The following PPM1E variants were observed in gnomAD, a reference collection of about 807,000 sequenced individuals.
The protein encoded by PPM1E is protein phosphatase, Mg2+/Mn2+ dependent 1E.
A neutral mutation model predicts 65.9 loss-of-function variants in PPM1E; 20 were observed. That is an observed-to-expected ratio of 0.30 (90% CI 0.21 to 0.44). The LOEUF is 0.44. PPM1E is among the 20% of genes least tolerant of loss of function. PPM1E has a pLI of 1.00. For synonymous variants in PPM1E, 352 were observed against 374.9 expected (o/e 0.94, Z 0.70); for missense variants, 713 against 953.1 (o/e 0.75, Z 3.32).
At chr17:58,810,228 A>T (rs982409550) in intron 1 of PPM1E, among the ~76,000 whole-genome samples, 1 of 151,832 alleles carries the variant, frequency 6.6e-6, no homozygotes, top group Non-Finnish European at 1.5e-5. Context: ...TTTTTTTCTG[A>T]GACGGAGTCT....
At chr17:58,933,837 C>T (rs1003179357) in intron 1 of PPM1E, among the ~76,000 whole-genome samples, 1 of 150,542 alleles carries the variant, frequency 6.6e-6, no homozygotes, top group African/African-American at 2.4e-5. Flanking sequence ...TGGCTCACGC[C>T]TGTAATCCCA....
chr17:58,811,337 GA>G (rs541014272), intron 1 of PPM1E, among the ~76,000 whole-genome samples: 2 of 152,150 alleles, frequency 1.3e-5, no homozygotes, highest in African/African-American at 4.8e-5. Flanking sequence ...ATTCATTAGG[GA>G]AAAATGGGTG....
chr17:58,845,790 G>C (rs570640473), intron 1 of PPM1E, among the ~76,000 whole-genome samples: 4 of 152,144 alleles, frequency 2.6e-5, no homozygotes, highest in African/African-American at 9.6e-5. Flanking sequence ...AAGAGATTCT[G>C]CTGCCTCAGC....
At chr17:58,908,464 G>T (rs779461671) in intron 1 of PPM1E, among the ~76,000 whole-genome samples, 26 of 150,968 alleles carry the variant, frequency 1.7e-4, no homozygotes, top group Non-Finnish European at 3.7e-4. Flanking sequence ...TTTAAGGCGG[G>T]GTTTTGCTCT....
chr17:58,825,455 T>A (rs138496027), intron 1 of PPM1E, among the ~76,000 whole-genome samples: 1 of 151,874 alleles, frequency 6.6e-6, no homozygotes, highest in East Asian at 1.9e-4. Flanking sequence ...CTAAGCGTTT[T>A]TCAATTCAGA....
At chr17:58,807,812 A>G (rs2050329912) in intron 1 of PPM1E, among the ~76,000 whole-genome samples, 1 of 152,246 alleles carries the variant, frequency 6.6e-6, no homozygotes, top group South Asian at 2.1e-4. Context: ...CATTTGAGAT[A>G]AAGAGATGCA....
rs1463748872 is a variant in PPM1E at position 58,983,464 on chromosome 17, G to GTGAT, written c.*2434_*2437dup. The GTGAT allele has an allele frequency of 6.5e-6, 1 of 152,676 alleles. No homozygotes were observed. 9.5% of individuals were successfully genotyped at this position (152,676 alleles called of 1,614,324 possible). A position where few individuals can be genotyped will look rare whatever the true frequency, so the allele number is the denominator to read the frequency against. ...GCAGTGTTCTCTCTTAACGCCACTG[G>GTGAT]TGATAGGAAGTAGTTCCCTTCAGTT... On this transcript the variant is annotated 3_prime_UTR_variant, in exon 7 of 7. Coordinates refer to ENST00000308249, the MANE Select transcript of PPM1E (RefSeq NM_014906.5).
At chr17:58,899,630 G>C (rs1370547143) in intron 1 of PPM1E, 2 of 217,474 alleles carry the variant, frequency 9.2e-6, no homozygotes, top group Non-Finnish European at 9.8e-6. Context: ...GGTAGGTAAG[G>C]ACTATGGCAA....
intron 1 of PPM1E, among the ~76,000 whole-genome samples, chr17:58,847,889 C>A (rs368947784): frequency 1.3e-5 from 2 of 152,270 alleles, no homozygotes; most frequent in African/African-American, 2.4e-5. Context: ...AATATTGATT[C>A]TTCCTGTCCA....
intron 1 of PPM1E, among the ~76,000 whole-genome samples, chr17:58,816,751 T>TATATATATATATATATATATATAA (rs2050419900): frequency 1.5e-4 from 1 of 6,886 alleles, no homozygotes; most frequent in African/African-American, 7.9e-4. Flanking sequence ...AATATATATA[T>TATATATATATATATATATATATAA]ATATATATAT....
chr17:58,858,052 A>G (rs1391523261), intron 1 of PPM1E, among the ~76,000 whole-genome samples: 1 of 152,150 alleles, frequency 6.6e-6, no homozygotes, highest in Non-Finnish European at 1.5e-5. Flanking sequence ...AAAAAACGTC[A>G]TTGTTACCAA....
At chr17:58,809,784 T>C (rs2050348406) in intron 1 of PPM1E, among the ~76,000 whole-genome samples, 1 of 152,262 alleles carries the variant, frequency 6.6e-6, no homozygotes, top group Non-Finnish European at 1.5e-5. Flanking sequence ...TCTTGTGATA[T>C]CATGTAATAT....
chr17:58,773,093 A>G lies in PPM1E; in HGVS notation c.464+16632A>G, dbSNP rs563175557. Reference sequence around the variant, plus strand: ...CCCATTTCAACTATGCTTAAATCCTATTTACTTCCTAAAGATTTGTAAAAG... The same window carrying G: ...CCCATTTCAACTATGCTTAAATCCTGTTTACTTCCTAAAGATTTGTAAAAG... On this transcript the variant is annotated intron_variant, in intron 1 of 6. Transcript: ENST00000308249. 1.6e-4 allele frequency among the ~76,000 whole-genome samples: 25 copies of G among 151,696 alleles called. No individual in the cohort carries two copies. In the South Asian group the frequency reaches 4.2e-3, roughly 25 times the overall value.
At chr17:58,819,666 G>T (rs1036497554) in intron 1 of PPM1E, among the ~76,000 whole-genome samples, 5 of 152,066 alleles carry the variant, frequency 3.3e-5, no homozygotes, top group Admixed American at 3.3e-4. Context: ...AATCATGGTG[G>T]AAGGCAAAGG....
In PPM1E at chr17:58,805,951, AAAAAAAAAAC is replaced by A. The variant is rs1359781041; in HGVS notation, c.464+49500_464+49509del. 1.0e-4 allele frequency among the ~76,000 whole-genome samples: 10 copies of A among 97,018 alleles called. No individual in the cohort carries two copies. In the South Asian group the frequency reaches 1.0e-3, roughly 10 times the overall value. The allele number at this position is 97,018 out of a possible 152,430, so 63.6% of individuals were successfully genotyped here. ...ATAGGAGGTTCAGGCTGTTCTGCTAAAAAAAAAAACAAAAAAAAAAAACAAAAAAAAAACA... is the reference window on the plus strand; with the variant it reads ...ATAGGAGGTTCAGGCTGTTCTGCTAAAAAAAAAAAAAACAAAAAAAAAACA... On this transcript the variant is annotated intron_variant, in intron 1 of 6. Coordinates refer to ENST00000308249, the MANE Select transcript of PPM1E (RefSeq NM_014906.5).
intron 1 of PPM1E, among the ~76,000 whole-genome samples, chr17:58,798,392 T>C (rs1009478205): frequency 1.3e-5 from 2 of 151,440 alleles, no homozygotes; most frequent in Non-Finnish European, 2.9e-5. Flanking sequence ...CCACGCCTAA[T>C]TTTTTTATTT....
At chr17:58,894,795 GTATTTGAAATT>G (rs1009396065) in intron 1 of PPM1E, among the ~76,000 whole-genome samples, 14 of 151,274 alleles carry the variant, frequency 9.3e-5, no homozygotes, top group East Asian at 1.9e-4. Context: ...TATATTTTTT[GTATTTGAAATT>G]TATTTGAAAT....
intron 1 of PPM1E, among the ~76,000 whole-genome samples, chr17:58,903,010 T>C (rs762587488): frequency 6.6e-6 from 1 of 152,150 alleles, no homozygotes; most frequent in African/African-American, 2.4e-5. Context: ...AAAGAATATG[T>C]CTTTCTTCCT....
intron 1 of PPM1E, among the ~76,000 whole-genome samples, chr17:58,805,233 T>A (rs893078187): frequency 5.9e-5 from 9 of 152,256 alleles, no homozygotes; most frequent in South Asian, 2.1e-4. Context: ...GTATACACTA[T>A]ACCCAATGTG....
Sources: gnomAD v4.1 joint callset for allele counts (sites outside exome capture counted in the v4.1 genomes callset) on GRCh38, gnomAD v4.1.1 for gene constraint, MANE v1.5 for transcripts, NCBI Gene and HGNC (gene_info 2026-07-23, HGNC 2026-07-21) for gene names.